Variants in CDH18 observed in about 807,000 individuals in gnomAD.
CDH18 encodes cadherin-18.
A neutral mutation model predicts 67.9 loss-of-function variants in CDH18; 31 were observed. That is an observed-to-expected ratio of 0.46 (90% confidence interval 0.34 to 0.62). The LOEUF (loss-of-function observed/expected upper bound fraction) is 0.62. CDH18 is among the 20% of genes least tolerant of loss of function. CDH18 has a pLI of 0.01. For missense variants in CDH18, 890 were observed against 975.5 expected, an observed-to-expected ratio of 0.91 and a Z score of 1.17; for synonymous variants, 362 against 347.2, an observed-to-expected ratio of 1.04 and a Z score of -0.48.
intron 12 of CDH18, among the ~76,000 whole-genome samples, chr5:19,478,095 G>A (rs185264928): frequency 6.6e-6 from 1 of 152,026 alleles, no homozygotes; most frequent in Admixed American, 6.6e-5. Flanking sequence ...CAAAGATGGG[G>A]AAACATTTTT....
rs1307872241 is a variant in CDH18, at chr5:19,702,140, T to TTC, written c.643+19205_643+19206dup. ...CTCTTCTGCAGTGTTCTTTCTTTCT[T>TTC]TCTCTCTCTTTTTTTTTTTTTTTTT... On this transcript the variant is annotated intron_variant, in intron 5 of 12. Transcript: ENST00000382275. Among the ~76,000 whole-genome samples, 9 of 122,148 alleles carry TTC rather than the reference T, an allele frequency of 7.4e-5. 1 individual carries two copies. In the South Asian group the frequency reaches 1.1e-3, roughly 15 times the overall value. 80.1% of individuals were successfully genotyped at this position (122,148 alleles called of 152,430 possible). A position where few individuals can be genotyped will look rare whatever the true frequency, so the allele number is the denominator to read the frequency against.
intron 1 of CDH18, among the ~76,000 whole-genome samples, chr5:20,478,673 G>A (rs1752597791): frequency 6.6e-6 from 1 of 151,196 alleles, no homozygotes; most frequent in South Asian, 2.1e-4. Context: ...GGGTCAGAAG[G>A]GAGCTCACCA....
chr5:19,574,049 A>C (rs937897599), intron 7 of CDH18, among the ~76,000 whole-genome samples: 1 of 152,108 alleles, frequency 6.6e-6, no homozygotes, highest in African/African-American at 2.4e-5. Context: ...CCACTTATTT[A>C]TTATTTTTGG....
intron 2 of CDH18, among the ~76,000 whole-genome samples, chr5:19,977,421 C>A (rs977717455): frequency 1.3e-5 from 2 of 152,114 alleles, no homozygotes; most frequent in Admixed American, 6.6e-5. Context: ...ATAAAGAATA[C>A]AGAAACTCAG....
chr5:19,778,695 A>G (rs1774699959), intron 3 of CDH18, among the ~76,000 whole-genome samples: 1 of 152,164 alleles, frequency 6.6e-6, no homozygotes, highest in Non-Finnish European at 1.5e-5. Flanking sequence ...AAACTAATGA[A>G]CAATTTTGGA....
chr5:20,202,837 T>C (rs1464351908), intron 2 of CDH18, among the ~76,000 whole-genome samples: 2 of 152,012 alleles, frequency 1.3e-5, no homozygotes, highest in Non-Finnish European at 2.9e-5. Context: ...ATATTAATAA[T>C]AAAATTGAGA....
intron 6 of CDH18, among the ~76,000 whole-genome samples, chr5:19,598,067 T>A (rs1746453158): frequency 6.6e-6 from 1 of 152,150 alleles, no homozygotes; most frequent in Non-Finnish European, 1.5e-5. Context: ...CTTATTCACA[T>A]GCAGGAAAAT....
chr5:19,776,807 A>G (rs2149764534), intron 3 of CDH18, among the ~76,000 whole-genome samples: 1 of 152,308 alleles, frequency 6.6e-6, no homozygotes, highest in African/African-American at 2.4e-5. Context: ...AATGTTCCAT[A>G]AGTTTTGGTT....
At chr5:19,527,163 CAAT>C (rs1412915704) in intron 9 of CDH18, among the ~76,000 whole-genome samples, 7 of 151,672 alleles carry the variant, frequency 4.6e-5, no homozygotes, top group South Asian at 2.1e-4. Context: ...AAACATGTAA[CAAT>C]AAGTTTTGCA....
intron 2 of CDH18, among the ~76,000 whole-genome samples, chr5:20,063,980 G>A (rs1338363027): frequency 6.6e-6 from 1 of 152,054 alleles, no homozygotes; most frequent in Non-Finnish European, 1.5e-5. Context: ...TATTCACAAT[G>A]AACTAAAAGC....
At chr5:20,393,760 A>T (rs1419714740) in intron 1 of CDH18, among the ~76,000 whole-genome samples, 1 of 151,990 alleles carries the variant, frequency 6.6e-6, no homozygotes, top group Non-Finnish European at 1.5e-5. Context: ...CAAGAACTCA[A>T]TCTCTTTTAC....
chr5:20,563,424 G>T (rs906787642), intron 1 of CDH18, among the ~76,000 whole-genome samples: 1 of 152,074 alleles, frequency 6.6e-6, no homozygotes, highest in Non-Finnish European at 1.5e-5. Flanking sequence ...GCATAGCCAG[G>T]TCTAGAATGG....
intron 8 of CDH18, among the ~76,000 whole-genome samples, chr5:19,551,069 T>C (rs1561325828): frequency 6.6e-6 from 1 of 152,210 alleles, no homozygotes; most frequent in South Asian, 2.1e-4. Context: ...TAGAGAAAGA[T>C]AATCTCTGTA....
intron 1 of CDH18, among the ~76,000 whole-genome samples, chr5:20,352,078 G>A (rs1309633136): frequency 6.6e-6 from 1 of 152,108 alleles, no homozygotes; most frequent in Non-Finnish European, 1.5e-5. Flanking sequence ...AATCATTTAT[G>A]CAAGTGATCC....
intron 5 of CDH18, among the ~76,000 whole-genome samples, chr5:19,682,816 A>C (rs1760528574): frequency 6.6e-6 from 1 of 152,130 alleles, no homozygotes; most frequent in South Asian, 2.1e-4. Context: ...ATGAAGTGTT[A>C]GTTTCATCCA....
intron 2 of CDH18, among the ~76,000 whole-genome samples, chr5:20,215,513 T>C (rs923646423): frequency 2.0e-5 from 3 of 151,894 alleles, no homozygotes; most frequent in African/African-American, 7.2e-5. Flanking sequence ...AAGGGAATAC[T>C]TACACAGTGT....
intron 5 of CDH18, among the ~76,000 whole-genome samples, chr5:19,708,803 G>A: frequency 6.6e-6 from 1 of 152,078 alleles, no homozygotes; most frequent in East Asian, 1.9e-4. Context: ...TAAATATGTG[G>A]GTAAAACTCT....
In CDH18 at chr5:19,742,619, C is replaced by T. The variant is rs1435097909; in HGVS notation, c.523+4323G>A. ...TTCCCCTATTGGTGCTTATCAGACA[C>T]CATATTGAAATTTTCTATTTGTAAG... On this transcript the variant is annotated intron_variant, in intron 4 of 12. Coordinates refer to ENST00000382275, the MANE Select transcript of CDH18 (RefSeq NM_004934.5). 2.0e-5 allele frequency among the ~76,000 whole-genome samples: 3 copies of T among 152,038 alleles called. No individual in the cohort carries two copies. In the East Asian group the frequency reaches 5.8e-4, roughly 29 times the overall value.
intron 3 of CDH18, among the ~76,000 whole-genome samples, chr5:19,827,659 T>C (rs1326879875): frequency 1.3e-5 from 2 of 152,094 alleles, no homozygotes. Flanking sequence ...ACAATGAAAT[T>C]AAGTCAGAAT....
Sources: gnomAD v4.1 joint callset for allele counts (sites outside exome capture counted in the v4.1 genomes callset) on GRCh38, gnomAD v4.1.1 for gene constraint, MANE v1.5 for transcripts, NCBI Gene and HGNC (gene_info 2026-07-23, HGNC 2026-07-21) for gene names.